The following FBXO15 variants were observed in gnomAD, a reference collection of about 807,000 sequenced individuals.
The protein encoded by FBXO15 is F-box only protein 15.
Under a neutral mutation model 49.5 loss-of-function variants are expected in FBXO15, and 30 were observed. The observed-to-expected ratio is 0.61, with a 90% CI of 0.45 to 0.82. The LOEUF (loss-of-function observed/expected upper bound fraction) is 0.82, where lower values mean the gene tolerates loss of function less well. Ranked by LOEUF, FBXO15 falls within the 40% of genes least tolerant of loss-of-function variation. FBXO15 has a pLI of 0.00. For synonymous variants in FBXO15, 250 were observed against 232.7 expected (o/e 1.07, Z -0.68); for missense variants, 591 against 631.5 (o/e 0.94, Z 0.69).
chr18:74,129,736 G>T, intron 4 of FBXO15, 122 bp from the exon 5 acceptor site: 1 of 758,668 alleles, frequency 1.3e-6, no homozygotes, highest in South Asian at 1.9e-5. Context: ...AAAATTCTCA[G>T]AATGTGCCCA....
chr18:74,126,208 T>C (rs1599175562), intron 5 of FBXO15, 107 bp from the exon 6 acceptor site: 3 of 1,449,454 alleles, frequency 2.1e-6, no homozygotes, highest in South Asian at 1.3e-5. Context: ...AGCATGTTAA[T>C]GATGTGCTCA....
In FBXO15 at chr18:74,073,732, T is replaced by C. The variant is rs1346443713; in HGVS notation, c.1264-2A>G. On this transcript the variant is annotated splice_acceptor_variant, in intron 9 of 9. Transcript: ENST00000419743. LOFTEE classifies it high-confidence loss of function. Reference sequence around the variant, plus strand: ...AGTTACGTCCATCATGGAACAACTCTGCAAAATAAACACAGATTGACAAGG... The same window carrying C: ...AGTTACGTCCATCATGGAACAACTCCGCAAAATAAACACAGATTGACAAGG... 1 of 1,606,392 alleles carries C rather than the reference T, an allele frequency of 6.2e-7. No individual in the cohort carries two copies. The highest frequency in any genetic ancestry group is 8.5e-7 in the Non-Finnish European group (1 of 1,176,240).
intron 8 of FBXO15, among the ~76,000 whole-genome samples, chr18:74,121,088 TA>T (rs1220304665): frequency 6.6e-6 from 1 of 152,112 alleles, no homozygotes; most frequent in East Asian, 1.9e-4. Flanking sequence ...ACAAATTCCT[TA>T]AAAGACAAAA....
intron 8 of FBXO15, among the ~76,000 whole-genome samples, chr18:74,094,391 C>T (rs1409868997): frequency 6.6e-6 from 1 of 152,184 alleles, no homozygotes; most frequent in African/African-American, 2.4e-5. Context: ...GATGTGCCTA[C>T]TCCCCACTTC....
At chr18:74,117,912 C>T (rs1426834308) in intron 8 of FBXO15, among the ~76,000 whole-genome samples, 1 of 152,122 alleles carries the variant, frequency 6.6e-6, no homozygotes, top group Non-Finnish European at 1.5e-5. Flanking sequence ...CTGAGACAGA[C>T]CTAGCACCTA....
chr18:74,133,944 G>A (rs568205993), intron 3 of FBXO15, among the ~76,000 whole-genome samples: 1 of 152,228 alleles, frequency 6.6e-6, no homozygotes, highest in East Asian at 1.9e-4. Context: ...CCAACACTGG[G>A]GATCAAATTT....
At chr18:74,098,999 C>T (rs1913398975) in intron 8 of FBXO15, 1 of 152,360 alleles carries the variant, frequency 6.6e-6, no homozygotes, top group African/African-American at 2.4e-5. Context: ...GTGGCACATG[C>T]CTTTAGTCCC....
rs1278855371 is a variant in FBXO15 at position 74,075,945 on chromosome 18, TA to T, written c.1264-2216del. Among the ~76,000 whole-genome samples the T allele has an allele frequency of 6.6e-6, 1 of 152,246 alleles. No individual in the cohort carries two copies. The highest frequency in any genetic ancestry group is 2.4e-5 in the African/African-American group (1 of 41,460). The stretch of plus-strand genomic sequence containing the variant: ...TTATCTCCAGGCCGAACTTCTTTTC[TA>T]AGTTCAAGACCTAAATATTCAAGTG... On this transcript the variant is annotated intron_variant, in intron 9 of 9. Transcript: ENST00000419743. This position sits in a 1 kb window ranked among gnomAD's most constrained non-coding sequence, Gnocchi z 4.1.
intron 1 of FBXO15, chr18:74,147,088 G>C (rs1301809714): frequency 6.6e-6 from 1 of 152,212 alleles, no homozygotes; most frequent in East Asian, 1.9e-4. Context: ...TCTTCACGCT[G>C]AAGATGCTTC....
At chr18:74,123,692 T>C (rs1261747075) in intron 7 of FBXO15, among the ~76,000 whole-genome samples, 182 bp from the exon 8 acceptor site, 5 of 152,178 alleles carry the variant, frequency 3.3e-5, no homozygotes, top group Non-Finnish European at 5.9e-5. Context: ...AATGTTACTT[T>C]TACCAACTTC....
intron 8 of FBXO15, among the ~76,000 whole-genome samples, chr18:74,104,929 CTGAA>C (rs1159937678): frequency 2.6e-5 from 4 of 152,144 alleles, no homozygotes; most frequent in East Asian, 3.9e-4. Context: ...AAATCAATGG[CTGAA>C]TGAATAAGGA....
At chr18:74,145,044 C>T (rs945263695) in intron 1 of FBXO15, among the ~76,000 whole-genome samples, 1 of 152,148 alleles carries the variant, frequency 6.6e-6, no homozygotes, top group Admixed American at 6.5e-5. Flanking sequence ...TTTTAAATAA[C>T]GATTAAGCAA....
chr18:74,088,435 C>T (rs1384731229), intron 8 of FBXO15, among the ~76,000 whole-genome samples: 2 of 152,078 alleles, frequency 1.3e-5, no homozygotes, highest in African/African-American at 4.8e-5. Context: ...GCCAGTTATC[C>T]CTGCATCATT....
intron 8 of FBXO15, among the ~76,000 whole-genome samples, chr18:74,084,427 G>T (rs1206669960): frequency 2.6e-5 from 4 of 152,244 alleles, no homozygotes; most frequent in African/African-American, 4.8e-5. Context: ...GCAGTGGCAG[G>T]GGCCTGCGCC....
intron 8 of FBXO15, chr18:74,099,936 G>A (rs1476784991): frequency 6.6e-6 from 1 of 152,000 alleles, no homozygotes; most frequent in Non-Finnish European, 1.5e-5. Flanking sequence ...CTAGACCTAA[G>A]AAATGAGATA....
chr18:74,120,266 C>T (rs995908909), intron 8 of FBXO15, among the ~76,000 whole-genome samples: 2 of 152,152 alleles, frequency 1.3e-5, no homozygotes, highest in African/African-American at 4.8e-5. Context: ...GATCTCAACA[C>T]CTCTCTCTAA....
At chr18:74,078,853 G>A (rs577261988) in intron 9 of FBXO15, among the ~76,000 whole-genome samples, 7 of 152,278 alleles carry the variant, frequency 4.6e-5, no homozygotes, top group Admixed American at 1.3e-4. Flanking sequence ...TGCAGCACTC[G>A]CACGTGTGGG....
chr18:74,119,977 A>G (rs62097028), intron 8 of FBXO15, among the ~76,000 whole-genome samples: 13,317 of 152,266 alleles, frequency 0.087, 818 homozygotes, highest in Admixed American at 0.2. Context: ...TGGTGGCACC[A>G]GGTCAGGCTA....
At chr18:74,133,035 G>C (rs1482270838) in intron 3 of FBXO15, among the ~76,000 whole-genome samples, 1 of 152,190 alleles carries the variant, frequency 6.6e-6, no homozygotes, top group Non-Finnish European at 1.5e-5. Flanking sequence ...GTAACGCTTA[G>C]AATACACTGT....
Sources: gnomAD v4.1 joint callset for allele counts (sites outside exome capture counted in the v4.1 genomes callset) on GRCh38, gnomAD v4.1.1 for gene constraint, Gnocchi (gnomAD v3.1) non-coding constraint, MANE v1.5 for transcripts, NCBI Gene and HGNC (gene_info 2026-07-23, HGNC 2026-07-21) for gene names.